The following VSIG8 variants were observed in gnomAD, a reference collection of about 807,000 sequenced individuals.
The protein encoded by VSIG8 is V-set and immunoglobulin domain-containing protein 8.
Under a neutral mutation model 42.6 loss-of-function variants are expected in VSIG8, and 32 were observed. The ratio of observed to expected loss-of-function variants is 0.75; its 90% CI spans 0.57 to 1.01. The LOEUF is 1.01. VSIG8 is among the 50% of genes least tolerant of loss of function. The pLI is 0.00. For missense variants in VSIG8, 529 were observed against 558.0 expected, an observed-to-expected ratio of 0.95 and a Z score of 0.52; for synonymous variants, 290 against 243.8, an observed-to-expected ratio of 1.19 and a Z score of -1.77.
At position 159,856,005 on chromosome 1, in the gene VSIG8, G is replaced by A; in HGVS notation, c.849C>T (p.Ile283=). The A allele has an allele frequency of 6.2e-7, 1 of 1,609,982 alleles. No individual in the cohort carries two copies. The part of the protein sequence containing the change: ...LLALGCLAVG[I]WGLVCCCCGG... The stretch of plus-strand genomic sequence containing the variant: ...CGCAGCAGCAGCAGACGAGCCCCCA[G>A]ATGCCTACGGCCAGGCAGCCCAGCG... Residue 283 remains isoleucine (I), a synonymous_variant, in exon 6 of 7, where the codon ATC becomes ATT. Coordinates refer to ENST00000368100, the MANE Select transcript of VSIG8 (RefSeq NM_001013661.1).
In VSIG8 at chr1:159,858,125, G is replaced by C. The variant is rs1648906895; in HGVS notation, c.395C>G (p.Thr132Ser). ...GACAATGACCTTCCGGGTGGCCATG[G>C]TGGTCTTCTTCACCCGGCACTCATA... ...ATYECRVKKT[T>S]MATRKVIVTV... The change falls in exon 3 of 7, where the codon ACC (threonine) becomes AGC (serine). Residue 132 changes from threonine (T) to serine (S), a missense_variant. Thr to Ser is a moderately conservative substitution (Grantham distance 58). Transcript: ENST00000368100. The C allele has an allele frequency of 6.2e-7, 1 of 1,614,234 alleles. No homozygotes were observed. The highest frequency in any genetic ancestry group is 1.1e-5 in the South Asian group (1 of 91,082).
chr1:159,859,348 C>A (rs1648952415), intron 1 of VSIG8, among the ~76,000 whole-genome samples: 1 of 152,154 alleles, frequency 6.6e-6, no homozygotes, highest in Admixed American at 6.6e-5. Flanking sequence ...TTGTTAAATG[C>A]TCTGATAGAA....
chr1:159,855,044 CG>C lies in VSIG8; in HGVS notation c.972-19del, dbSNP rs1557902202. On this transcript the variant is annotated intron_variant, in intron 6 of 6. Coordinates refer to ENST00000368100, the MANE Select transcript of VSIG8 (RefSeq NM_001013661.1). ...CGTCCTCTCTGTGGAAAACAACAGG[CG>C]GGCGGGTGAGCGGGCTGCTCCGCAG... 6.4e-7 allele frequency: 1 copy of C among 1,572,706 alleles called. No individual in the cohort carries two copies. Among genetic ancestry groups the C allele is most frequent in the South Asian group, 1.2e-5 (1 of 85,758 alleles).
intron 5 of VSIG8, 128 bp downstream of exon 5, chr1:159,856,396 G>A: frequency 2.0e-6 from 3 of 1,507,744 alleles, no homozygotes; most frequent in Non-Finnish European, 2.7e-6. Flanking sequence ...GTAGGAAAGG[G>A]GCTGGGAGCC....
In VSIG8 at chr1:159,858,785, G is replaced by A. The variant is rs368994781; in HGVS notation, c.177C>T (p.Asp59=). 3.7e-6 allele frequency: 6 copies of A among 1,613,876 alleles called. No homozygotes were observed. The African/African-American group carries it at 6.7e-5, about 18-fold the overall frequency. The part of the protein sequence containing the change: ...DPEDYGPNGL[D]IEWMQVNSDP... ...CTGAGTTGACCTGCATCCACTCGAT[G>A]TCCAGCCCATTGGGACCATAGTCCT... The change falls in exon 2 of 7, where the codon GAC becomes GAT. Residue 59 remains aspartate (D), a synonymous_variant. Coordinates refer to ENST00000368100, the MANE Select transcript of VSIG8 (RefSeq NM_001013661.1).
Position 159,854,879 on chromosome 1 carries a change from C to T in VSIG8, c.1119G>A (p.Leu373=). 1 of 1,472,336 alleles carries T rather than the reference C, an allele frequency of 6.8e-7. No homozygotes were observed. The highest frequency in any genetic ancestry group is 8.9e-7 in the Non-Finnish European group (1 of 1,121,340). 91.2% of individuals were successfully genotyped at this position (1,472,336 alleles called of 1,614,324 possible). A position where few individuals can be genotyped will look rare whatever the true frequency, so the allele number is the denominator to read the frequency against. The change falls in exon 7 of 7, where the codon CTG becomes CTA. Residue 373 remains leucine, a synonymous_variant. Coordinates refer to ENST00000368100, the MANE Select transcript of VSIG8 (RefSeq NM_001013661.1). ...AGGCGGCGGCGGCGGTGCAGGGCGCCAGGGCCACGTCCTCGGGGCCGCCGC... is the reference window on the plus strand; with the variant it reads ...AGGCGGCGGCGGCGGTGCAGGGCGCTAGGGCCACGTCCTCGGGGCCGCCGC... ...PPCGGPEDVA[L]APCTAAAACE... is the part of the protein sequence containing the mutation.
intron 6 of VSIG8, chr1:159,855,261 C>T (rs1449842477): frequency 6.4e-7 from 1 of 1,551,134 alleles, no homozygotes; most frequent in South Asian, 1.2e-5. Context: ...CTTGTCCACG[C>T]GTATCTGGAG....
At chr1:159,860,584 T>A (rs920473500) in intron 1 of VSIG8, 5 of 152,224 alleles carry the variant, frequency 3.3e-5, no homozygotes, top group Non-Finnish European at 5.9e-5. Context: ...GACTCCAAGG[T>A]GACCCAGAGC....
At chr1:159,857,599 CT>C in intron 4 of VSIG8, 145 bp downstream of exon 4, 2 of 608,206 alleles carry the variant, frequency 3.3e-6, no homozygotes, top group Non-Finnish European at 5.6e-6. Flanking sequence ...AAAATAGCAG[CT>C]GCTGGGGCAG....
chr1:159,856,102 A>C (rs757597785), intron 5 of VSIG8, 21 bp from the exon 6 acceptor site: 1 of 1,602,074 alleles, frequency 6.2e-7, no homozygotes, highest in Non-Finnish European at 8.5e-7. Context: ...AAGTGGAGGC[A>C]GGTCAGGCTT....
At position 159,857,794 on chromosome 1, in the gene VSIG8, G is replaced by T; in HGVS notation, c.603C>A (p.Tyr201Ter). The T allele has an allele frequency of 6.2e-7, 1 of 1,614,182 alleles. No homozygotes were observed. The highest frequency in any genetic ancestry group is 1.1e-5 in the South Asian group (1 of 91,082). ...ACTCCTGGTAGGACAGCTCTGAGTG[G>T]TAGCTGTGCTGGGAGGTGTAAGACC... The part of the protein sequence containing the change: ...RAGSYTSQHS[Y>*]HSELSYQESF... The change falls in exon 4 of 7, where the codon TAC (tyrosine) becomes TAA (stop). Residue 201 changes from tyrosine (Y) to a stop codon, truncating the protein, a stop_gained. Transcript: ENST00000368100. LOFTEE classifies it high-confidence loss of function.
Position 159,854,784 on chromosome 1 carries a change from G to C in VSIG8, c.1214C>G (p.Pro405Arg). ...CAAGAGGCCGTTCTTGCACTGCACC[G>C]GCCCCTCGGCGCAGTCAGCCGGCTC... The part of the protein sequence containing the change: ...SAEPADCAEG[P>R]VQCKNGLLV The change falls in exon 7 of 7, where the codon CCG becomes CGG. Residue 405 changes from proline to arginine, a missense_variant. Physicochemically the swap from Pro to Arg is moderately radical, Grantham distance 103. Coordinates refer to ENST00000368100, the MANE Select transcript of VSIG8 (RefSeq NM_001013661.1). 1 of 1,503,534 alleles carries C rather than the reference G, an allele frequency of 6.7e-7. No homozygotes were observed. Among genetic ancestry groups the C allele is most frequent in the South Asian group, 1.2e-5 (1 of 81,364 alleles). 93.1% of individuals were successfully genotyped at this position (1,503,534 alleles called of 1,614,324 possible).
chr1:159,854,836 G>T lies in VSIG8; in HGVS notation c.1162C>A (p.Pro388Thr), dbSNP rs1220479164. ...GCGCTCTTGACCTTGACGTAGACCG[G>T]GGAGGGGCCCGCTTCGCAGGCGGCG... ...AAAACEAGPS[P>T]VYVKVKSAEP... Residue 388 changes from proline (P) to threonine (T), a missense_variant, in exon 7 of 7, where the codon CCG (proline) becomes ACG (threonine). By Grantham distance (38) the Pro-to-Thr change is conservative. Transcript: ENST00000368100. 16 of 1,491,364 alleles carry T rather than the reference G, an allele frequency of 1.1e-5. No individual in the cohort carries two copies. The highest frequency in any genetic ancestry group is 1.4e-5 in the Non-Finnish European group (16 of 1,128,914). 92.4% of individuals were successfully genotyped at this position (1,491,364 alleles called of 1,614,324 possible).
rs1257477321 is a variant in VSIG8, at chr1:159,854,787, C to G, written c.1211G>C (p.Gly404Ala). 2.7e-6 allele frequency: 4 copies of G among 1,503,850 alleles called. No homozygotes were observed. The highest frequency in any genetic ancestry group is 2.8e-5 in the East Asian group (1 of 36,144). The allele number at this position is 1,503,850 out of a possible 1,614,324, so 93.2% of individuals were successfully genotyped here. The change falls in exon 7 of 7, where the codon GGG (glycine) becomes GCG (alanine). Residue 404 changes from glycine (G) to alanine (A), a missense_variant. Coordinates refer to ENST00000368100, the MANE Select transcript of VSIG8 (RefSeq NM_001013661.1). ...GAGGCCGTTCTTGCACTGCACCGGCCCCTCGGCGCAGTCAGCCGGCTCCGC... is the reference window on the plus strand; with the variant it reads ...GAGGCCGTTCTTGCACTGCACCGGCGCCTCGGCGCAGTCAGCCGGCTCCGC... ...KSAEPADCAE[G>A]PVQCKNGLLV
At chr1:159,860,174 AC>A (rs1389913715) in intron 1 of VSIG8, among the ~76,000 whole-genome samples, 1 of 152,196 alleles carries the variant, frequency 6.6e-6, no homozygotes, top group Non-Finnish European at 1.5e-5. Flanking sequence ...CCATGTTTAC[AC>A]ATAGAGATCT....
In VSIG8 at chr1:159,855,652, T is replaced by C. The variant is rs963060754; in HGVS notation, c.971+231A>G. On this transcript the variant is annotated intron_variant, in intron 6 of 6. Transcript: ENST00000368100. Reference sequence around the variant, plus strand: ...AGTCTAGACAAGACAGACAGGTGCGTAGGCAGGAGGGAAATGGAAGGCAGG... The same window carrying C: ...AGTCTAGACAAGACAGACAGGTGCGCAGGCAGGAGGGAAATGGAAGGCAGG... The C allele has an allele frequency of 4.1e-6, 4 of 966,312 alleles. No individual in the cohort carries two copies. In the Admixed American group the frequency reaches 2.5e-4, roughly 60 times the overall value. The allele number at this position is 966,312 out of a possible 1,614,324, so 59.9% of individuals were successfully genotyped here.
chr1:159,855,332 G>A (rs1571165255), intron 6 of VSIG8: 3 of 1,497,174 alleles, frequency 2.0e-6, no homozygotes, highest in South Asian at 1.3e-5. Flanking sequence ...CGCAGGCCCA[G>A]AAGAAGGTGC....
rs999559039 is a variant in VSIG8 at position 159,854,521 on chromosome 1, G to T, written c.*232C>A. 28 of 789,838 alleles carry T rather than the reference G, an allele frequency of 3.5e-5. No individual in the cohort carries two copies. The East Asian group carries it at 8.7e-4, about 24-fold the overall frequency. 48.9% of individuals were successfully genotyped at this position (789,838 alleles called of 1,614,324 possible). A position where few individuals can be genotyped will look rare whatever the true frequency, so the allele number is the denominator to read the frequency against. On this transcript the variant is annotated 3_prime_UTR_variant, in exon 7 of 7. Transcript: ENST00000368100. Reference sequence around the variant, plus strand: ...CTCTCCCCCAAGCCTTCGGTCCCGGGGGTGCGGAGAAGGCTCAGGATCGCC... The same window carrying T: ...CTCTCCCCCAAGCCTTCGGTCCCGGTGGTGCGGAGAAGGCTCAGGATCGCC...
chr1:159,861,723 G>A (rs1369771671), intron 1 of VSIG8: 1 of 152,288 alleles, frequency 6.6e-6, no homozygotes, highest in Non-Finnish European at 1.5e-5. Context: ...TTCCAGTGAT[G>A]TTGGCATAGA....
Sources: allele counts gnomAD v4.1 joint callset (sites outside exome capture counted in the v4.1 genomes callset), GRCh38; gene constraint gnomAD v4.1.1; transcripts MANE v1.5; gene names NCBI Gene and HGNC (gene_info 2026-07-23, HGNC 2026-07-21).